ZZZ3: variants seen among roughly 807,000 people sequenced by gnomAD.
ZZZ3 encodes zinc finger ZZ-type containing 3, also known as ZZ-type zinc finger-containing protein 3.
Under a neutral mutation model 95.2 loss-of-function variants are expected in ZZZ3, and 22 were observed. The ratio of observed to expected loss-of-function variants is 0.23; its 90% confidence interval spans 0.17 to 0.33. The LOEUF (loss-of-function observed/expected upper bound fraction) is 0.33, where lower values mean the gene tolerates loss of function less well. ZZZ3 is among the 10% of genes least tolerant of loss of function. The pLI, the probability that ZZZ3 is intolerant of heterozygous loss-of-function variation, is 1.00. For missense variants in ZZZ3, 885 were observed against 1,066.5 expected (o/e 0.83, Z 2.37); for synonymous variants, 335 against 358.9 (o/e 0.93, Z 0.75).
chr1:77,606,233 G>A (rs753612389), intron 5 of ZZZ3, among the ~76,000 whole-genome samples: 2 of 152,218 alleles, frequency 1.3e-5, no homozygotes, highest in Non-Finnish European at 2.9e-5. Flanking sequence ...GGTGATGGTG[G>A]CCATGGGGTG....
intron 5 of ZZZ3, among the ~76,000 whole-genome samples, chr1:77,604,467 A>G (rs1665037729): frequency 6.6e-6 from 1 of 152,256 alleles, no homozygotes; most frequent in Non-Finnish European, 1.5e-5. Context: ...CAATTTTTTT[A>G]AAGTATTTGC....
chr1:77,621,730 T>C (rs1013468707), intron 5 of ZZZ3, among the ~76,000 whole-genome samples: 1 of 150,672 alleles, frequency 6.6e-6, no homozygotes, highest in Non-Finnish European at 1.5e-5. Context: ...GGCAGGAGGA[T>C]TTCCTGTGCC....
At chr1:77,677,495 A>G (rs1326170892) in intron 1 of ZZZ3, among the ~76,000 whole-genome samples, 1 of 152,232 alleles carries the variant, frequency 6.6e-6, no homozygotes, top group Non-Finnish European at 1.5e-5. Flanking sequence ...TTTATAAAAA[A>G]TGTTAAATGT....
At chr1:77,576,715 T>G (rs181570617) in intron 11 of ZZZ3, among the ~76,000 whole-genome samples, 2 of 151,854 alleles carry the variant, frequency 1.3e-5, no homozygotes, top group African/African-American at 4.8e-5. Flanking sequence ...CCGGGCTACA[T>G]TGGAAGAATT....
intron 5 of ZZZ3, among the ~76,000 whole-genome samples, chr1:77,621,712 G>A (rs1386626717): frequency 1.3e-5 from 2 of 151,838 alleles, no homozygotes; most frequent in Non-Finnish European, 2.9e-5. Context: ...AGCTACTTGG[G>A]AAGCCAAGGC....
chr1:77,582,233 TG>T (rs1196224410), intron 6 of ZZZ3, 107 bp from the exon 7 acceptor site: 1 of 929,618 alleles, frequency 1.1e-6, no homozygotes, highest in Non-Finnish European at 1.6e-6. Context: ...AAATAATCAA[TG>T]GGGCATTTCT....
chr1:77,663,733 T>C (rs994579056), intron 1 of ZZZ3, among the ~76,000 whole-genome samples: 1 of 152,030 alleles, frequency 6.6e-6, no homozygotes, highest in East Asian at 1.9e-4. Context: ...CTCCTAATAA[T>C]ATACAATCAG....
At chr1:77,617,776 G>GAAA (rs551912442) in intron 5 of ZZZ3, among the ~76,000 whole-genome samples, 1 of 111,344 alleles carries the variant, frequency 9.0e-6, no homozygotes. Context: ...TGCCTCTACT[G>GAAA]AAAAAAAAAA....
intron 13 of ZZZ3, among the ~76,000 whole-genome samples, chr1:77,567,915 C>T (rs1238023087): frequency 6.6e-6 from 1 of 152,170 alleles, no homozygotes; most frequent in Non-Finnish European, 1.5e-5. Flanking sequence ...CTTCACTCTA[C>T]TAAATAATAA....
intron 1 of ZZZ3, among the ~76,000 whole-genome samples, chr1:77,658,445 G>A (rs887764289): frequency 2.0e-5 from 3 of 151,178 alleles, no homozygotes; most frequent in East Asian, 1.9e-4. Flanking sequence ...GGGCTCAAAC[G>A]AACCTCCCAG....
chr1:77,610,979 C>T (rs943619343), intron 5 of ZZZ3, among the ~76,000 whole-genome samples: 1 of 151,588 alleles, frequency 6.6e-6, no homozygotes. Context: ...AGCAATTAGT[C>T]AAGAGAAAGA....
chr1:77,581,165 AT>A, intron 8 of ZZZ3, 96 bp from the exon 9 acceptor site: 1 of 955,390 alleles, frequency 1.0e-6, no homozygotes, highest in Non-Finnish European at 1.6e-6. Context: ...TTTTAAATTA[AT>A]TTCAAAATAT....
chr1:77,672,266 G>A (rs1403079533), intron 1 of ZZZ3, among the ~76,000 whole-genome samples: 1 of 152,114 alleles, frequency 6.6e-6, no homozygotes, highest in Non-Finnish European at 1.5e-5. Context: ...AAAGTTACAA[G>A]GATGGTTGTC....
chr1:77,572,876 G>A (rs1471465761), intron 12 of ZZZ3, among the ~76,000 whole-genome samples: 1 of 150,814 alleles, frequency 6.6e-6, no homozygotes, highest in African/African-American at 2.4e-5. Flanking sequence ...GAACTCCCAG[G>A]CTCAAGCGAT....
intron 5 of ZZZ3, among the ~76,000 whole-genome samples, chr1:77,601,364 G>A (rs1664710910): frequency 6.6e-6 from 1 of 152,058 alleles, no homozygotes; most frequent in African/African-American, 2.4e-5. Flanking sequence ...AGATTTCAAT[G>A]GTAAGAGTAA....
intron 5 of ZZZ3, among the ~76,000 whole-genome samples, chr1:77,613,597 T>A (rs1289827005): frequency 6.6e-6 from 1 of 152,056 alleles, no homozygotes; most frequent in Non-Finnish European, 1.5e-5. Flanking sequence ...GCTATGCAAT[T>A]GTAAGGAAGA....
chr1:77,596,976 A>T (rs1360074319), intron 5 of ZZZ3, among the ~76,000 whole-genome samples: 1 of 152,124 alleles, frequency 6.6e-6, no homozygotes, highest in Non-Finnish European at 1.5e-5. Context: ...AGCTAAATAA[A>T]AGCAACAATA....
chr1:77,659,270 GT>G (rs1430961296), intron 1 of ZZZ3, among the ~76,000 whole-genome samples: 1 of 152,078 alleles, frequency 6.6e-6, no homozygotes, highest in African/African-American at 2.4e-5. Context: ...AGCTTTAAGT[GT>G]TTTAATATTA....
At chr1:77,581,433 G>GAACTAA in intron 8 of ZZZ3, among the ~76,000 whole-genome samples, 1 of 152,104 alleles carries the variant, frequency 6.6e-6, no homozygotes, top group African/African-American at 2.4e-5. Flanking sequence ...ACACACAAAG[G>GAACTAA]AACTACTATT....
Sources: gnomAD v4.1 joint callset for allele counts (sites outside exome capture counted in the v4.1 genomes callset) on GRCh38, gnomAD v4.1.1 for gene constraint, MANE v1.5 for transcripts, NCBI Gene and HGNC (gene_info 2026-07-23, HGNC 2026-07-21) for gene names.